Variants in UNC79 observed in about 807,000 individuals in gnomAD.
UNC79 encodes protein unc-79 homolog.
A neutral mutation model predicts 283.1 loss-of-function variants in UNC79; 37 were observed. The observed-to-expected ratio is 0.13, with a 90% CI of 0.10 to 0.17. The LOEUF (loss-of-function observed/expected upper bound fraction) is 0.17, where lower values mean the gene tolerates loss of function less well. Among genes scored for constraint, UNC79 ranks in the 10% least tolerant of loss-of-function variants. UNC79 has a pLI of 1.00. For missense variants in UNC79, 2,272 were observed against 3,211.1 expected (o/e 0.71, Z 7.07); for synonymous variants, 1,107 against 1,200.2 (o/e 0.92, Z 1.61).
chr14:93,467,637 T>TTTTTTTTTA, intron 1 of UNC79, 34 bp from the exon 2 acceptor site: 1 of 703,544 alleles, frequency 1.4e-6, no homozygotes, highest in Non-Finnish European at 1.7e-6. Context: ...CCTTTTTTTT[T>TTTTTTTTTA]TTTTTTTTTT....
rs544972184 is a variant in UNC79, at chr14:93,693,019, AT to A, written c.7470+1081del. ...ACTGCCCACAAAAGGCATTCAGGAA[AT>A]TTTTTTTAATTGATAGAATAATAGT... On this transcript the variant is annotated intron_variant, in intron 46 of 48. Coordinates refer to ENST00000555664, the Ensembl canonical transcript of UNC79. Among the ~76,000 whole-genome samples, 16 of 152,206 alleles carry A rather than the reference AT, an allele frequency of 1.1e-4. No homozygotes were observed. In the South Asian group the frequency reaches 3.3e-3, roughly 32 times the overall value.
exon 30 of UNC79, chr14:93,622,185 C>CGAT (rs754300794): frequency 5.5e-5 from 89 of 1,614,002 alleles, no homozygotes; most frequent in Non-Finnish European, 7.4e-5. Context: ...GAAGAGGAGA[C>CGAT]GATGAACCAA....
At chr14:93,584,302 G>A (rs2064053536) in intron 20 of UNC79, among the ~76,000 whole-genome samples, 1 of 152,176 alleles carries the variant, frequency 6.6e-6, no homozygotes, top group African/African-American at 2.4e-5. Context: ...TGATTCCAGA[G>A]CTGTAACGGA....
intron 7 of UNC79, among the ~76,000 whole-genome samples, chr14:93,502,525 T>C (rs1394848305): frequency 6.6e-6 from 1 of 152,206 alleles, no homozygotes; most frequent in East Asian, 1.9e-4. Context: ...AATTGTAACT[T>C]AAGTTTCTTG....
At chr14:93,502,644 G>A (rs2059352401) in intron 7 of UNC79, among the ~76,000 whole-genome samples, 1 of 152,120 alleles carries the variant, frequency 6.6e-6, no homozygotes, top group South Asian at 2.1e-4. Context: ...AAATAATTTA[G>A]CCTTTGTTAG....
At chr14:93,424,942 T>A (rs1246842351) in intron 1 of UNC79, among the ~76,000 whole-genome samples, 2 of 152,136 alleles carry the variant, frequency 1.3e-5, no homozygotes, top group Non-Finnish European at 2.9e-5. Flanking sequence ...GTATTACACA[T>A]TGCATGCCTA....
intron 42 of UNC79, 129 bp from the exon 46 acceptor site, chr14:93,686,443 G>A: frequency 2.2e-6 from 2 of 923,588 alleles, no homozygotes; most frequent in Non-Finnish European, 3.4e-6. Flanking sequence ...CAAGCTGAGA[G>A]TAATGGAGTG....
chr14:93,493,893 A>ATC (rs1257362806), intron 5 of UNC79, among the ~76,000 whole-genome samples: 1 of 39,196 alleles, frequency 2.6e-5, no homozygotes, highest in East Asian at 6.0e-4. Flanking sequence ...ATATATATAT[A>ATC]TATATATATT....
Position 93,513,597 on chromosome 14 carries a change from G to A in UNC79, c.899-10381G>A, listed in dbSNP as rs146633530. 1.6e-3 allele frequency among the ~76,000 whole-genome samples: 242 copies of A among 152,214 alleles called. 6 individuals are homozygous for A. The highest frequency in any genetic ancestry group is 0.011 in the Admixed American group (170 of 15,280). ...TGATATTTTGTTACCTGCACAGACT[G>A]TGTAATGATCAAGTCATGGTATTTG... is the stretch of plus-strand genomic sequence containing the variant. On this transcript the variant is annotated intron_variant, in intron 7 of 48. Coordinates refer to ENST00000555664, the Ensembl canonical transcript of UNC79.
intron 5 of UNC79, among the ~76,000 whole-genome samples, chr14:93,492,640 C>T (rs2058786043): frequency 6.6e-6 from 1 of 152,208 alleles, no homozygotes. Context: ...AGGCATGAGC[C>T]ACCATGCCTG....
chr14:93,469,719 A>T (rs187445569), intron 2 of UNC79, among the ~76,000 whole-genome samples: 1 of 152,226 alleles, frequency 6.6e-6, no homozygotes, highest in Non-Finnish European at 1.5e-5. Flanking sequence ...ATCTCTAAAA[A>T]AATTCTTTTA....
chr14:93,537,108 G>T (rs4905078), intron 11 of UNC79, among the ~76,000 whole-genome samples: 5 of 151,942 alleles, frequency 3.3e-5, no homozygotes, highest in African/African-American at 1.2e-4. Context: ...CCCCCTTGGG[G>T]GTGTTCACAT....
At chr14:93,397,097 C>T (rs1487066288) in intron 1 of UNC79, 1 of 148,698 alleles carries the variant, frequency 6.7e-6, no homozygotes, top group Non-Finnish European at 1.5e-5. Flanking sequence ...TCCACCTCAT[C>T]AGGCAGTTAT....
intron 41 of UNC79, among the ~76,000 whole-genome samples, chr14:93,679,613 G>A (rs1474116287): frequency 6.6e-6 from 1 of 152,224 alleles, no homozygotes; most frequent in East Asian, 1.9e-4. Context: ...AACTGGTGGA[G>A]GAACAGCTGT....
intron 1 of UNC79, among the ~76,000 whole-genome samples, chr14:93,410,525 C>T (rs1276129537): frequency 1.3e-5 from 2 of 152,162 alleles, no homozygotes; most frequent in Admixed American, 1.3e-4. Flanking sequence ...CCCCAGCCTG[C>T]ACAGCTCATG....
At chr14:93,552,324 G>A (rs556744980) in intron 14 of UNC79, among the ~76,000 whole-genome samples, 2 of 152,262 alleles carry the variant, frequency 1.3e-5, no homozygotes, top group Non-Finnish European at 2.9e-5. Flanking sequence ...TAGGCTCAAA[G>A]CATCTTTAGT....
intron 1 of UNC79, among the ~76,000 whole-genome samples, chr14:93,344,035 G>T (rs549214666): frequency 6.6e-6 from 1 of 151,940 alleles, no homozygotes; most frequent in East Asian, 1.9e-4. Context: ...GGGTGGGGGT[G>T]GGTGGCAGGG....
At chr14:93,538,298 A>G (rs189802450) in intron 12 of UNC79, 80 bp downstream of exon 12, 16 of 1,369,784 alleles carry the variant, frequency 1.2e-5, no homozygotes, top group Middle Eastern at 2.7e-4. Flanking sequence ...AGATGTGCAT[A>G]TTTAATGCAA....
Position 93,603,426 on chromosome 14 carries a change from A to G in UNC79, c.3754+8A>G, listed in dbSNP as rs188520453. On this transcript the variant is annotated splice_region_variant and intron_variant, in intron 26 of 48. Coordinates refer to ENST00000555664, the Ensembl canonical transcript of UNC79. ...CCCTGACCTCCAAAATTCGTTGAGTATCTTCTTTCATCCTTCCGTTAAATC... is the reference window on the plus strand; with the variant it reads ...CCCTGACCTCCAAAATTCGTTGAGTGTCTTCTTTCATCCTTCCGTTAAATC... 13 of 1,612,908 alleles carry G rather than the reference A, an allele frequency of 8.1e-6. No individual in the cohort carries two copies. The highest frequency in any genetic ancestry group is 1.7e-4 in the Middle Eastern group (1 of 6,048).
Sources: allele counts gnomAD v4.1 joint callset (sites outside exome capture counted in the v4.1 genomes callset), GRCh38; gene constraint gnomAD v4.1.1; transcripts MANE v1.5; gene names NCBI Gene and HGNC (gene_info 2026-07-23, HGNC 2026-07-21).